COL24A1: variants seen among roughly 807,000 people sequenced by gnomAD.
The protein encoded by COL24A1 is collagen alpha-1(XXIV) chain.
In COL24A1, 224 loss-of-function variants were observed where a neutral mutation model predicts 253.9. The ratio of observed to expected loss-of-function variants is 0.88; its 90% CI spans 0.79 to 0.99. The LOEUF is 0.99. Among genes scored for constraint, COL24A1 ranks in the 50% least tolerant of loss-of-function variants. The pLI, the probability that COL24A1 is intolerant of heterozygous loss-of-function variation, is 0.00. For missense variants in COL24A1, 2,131 were observed against 2,068.5 expected, an observed-to-expected ratio of 1.03 and a Z score of -0.59; for synonymous variants, 685 against 673.7, an observed-to-expected ratio of 1.02 and a Z score of -0.26.
At chr1:85,805,659 G>A (rs974652451) in intron 47 of COL24A1, among the ~76,000 whole-genome samples, 2 of 152,104 alleles carry the variant, frequency 1.3e-5, no homozygotes, top group South Asian at 2.1e-4. Context: ...ATATAATTAT[G>A]CCTACCTCAT....
intron 43 of COL24A1, among the ~76,000 whole-genome samples, chr1:85,831,922 T>A (rs1221476972): frequency 6.6e-6 from 1 of 152,094 alleles, no homozygotes; most frequent in Non-Finnish European, 1.5e-5. Flanking sequence ...CAGAAGCTCT[T>A]TAGTTTAATT....
chr1:86,137,807 T>C (rs1650474451), intron 2 of COL24A1, among the ~76,000 whole-genome samples: 1 of 152,200 alleles, frequency 6.6e-6, no homozygotes, highest in South Asian at 2.1e-4. Flanking sequence ...TCCACTTCAA[T>C]GTATTTTCCC....
At chr1:85,869,477 C>A (rs1307190682) in intron 35 of COL24A1, among the ~76,000 whole-genome samples, 2 of 152,126 alleles carry the variant, frequency 1.3e-5, no homozygotes, top group Admixed American at 1.3e-4. Flanking sequence ...AAGGAAAGCC[C>A]ATCAGACTAA....
intron 2 of COL24A1, among the ~76,000 whole-genome samples, chr1:86,142,995 G>T (rs1252080195): frequency 6.6e-6 from 1 of 152,008 alleles, no homozygotes; most frequent in African/African-American, 2.4e-5. Flanking sequence ...ATAAAAAAAG[G>T]CAAAAGATGA....
In COL24A1 at chr1:85,936,405, C is replaced by G. The variant is rs181672801; in HGVS notation, c.2562+24844G>C. 2.0e-5 allele frequency among the ~76,000 whole-genome samples: 3 copies of G among 147,398 alleles called. 1 individual carries two copies. Among genetic ancestry groups the G allele is most frequent in the South Asian group, 4.9e-4 (2 of 4,098 alleles). ...TAGGGTTAAATCACAGCATAACTTG[C>G]TGCACCTGATATAGGCAGAAGGGAC... On this transcript the variant is annotated intron_variant, in intron 24 of 59. Transcript: ENST00000370571.
intron 31 of COL24A1, among the ~76,000 whole-genome samples, chr1:85,894,930 G>A (rs538736348): frequency 3.3e-5 from 5 of 152,126 alleles, no homozygotes; most frequent in East Asian, 3.9e-4. Context: ...ATACTGTAGC[G>A]GCTAAAACAT....
chr1:86,034,587 T>TA (rs1316312886), intron 12 of COL24A1, among the ~76,000 whole-genome samples: 3 of 152,088 alleles, frequency 2.0e-5, no homozygotes, highest in Admixed American at 2.0e-4. Context: ...TTCCAAGACA[T>TA]ACATGTAAAA....
chr1:86,091,200 T>C (rs1703467255), intron 6 of COL24A1, among the ~76,000 whole-genome samples: 1 of 152,024 alleles, frequency 6.6e-6, no homozygotes, highest in South Asian at 2.1e-4. Flanking sequence ...ACCACAATAA[T>C]AAAATTACTA....
intron 47 of COL24A1, among the ~76,000 whole-genome samples, chr1:85,804,437 A>G (rs1425060798): frequency 6.6e-6 from 1 of 152,042 alleles, no homozygotes; most frequent in Non-Finnish European, 1.5e-5. Context: ...GGAGAAATAA[A>G]CCCCAAAAGG....
intron 39 of COL24A1, among the ~76,000 whole-genome samples, chr1:85,847,174 G>A (rs752333129): frequency 6.6e-6 from 1 of 152,134 alleles, no homozygotes; most frequent in Non-Finnish European, 1.5e-5. Context: ...ATCATGCAAA[G>A]TTCCTGAGAA....
At chr1:85,858,632 C>CTTCT (rs1553201528) in intron 37 of COL24A1, among the ~76,000 whole-genome samples, 8 of 131,494 alleles carry the variant, frequency 6.1e-5, no homozygotes, top group South Asian at 2.4e-4. Context: ...TCCTTCCTTC[C>CTTCT]TTCCTTCCTT....
At chr1:86,058,066 C>G in intron 9 of COL24A1, 91 bp from the exon 10 acceptor site, 4 of 987,790 alleles carry the variant, frequency 4.0e-6, no homozygotes, top group Non-Finnish European at 6.0e-6. Context: ...AAAGAGCTAT[C>G]ATTTTCAAAA....
rs189272025 is a variant in COL24A1, at chr1:85,746,983, T to C, written c.4438-1477A>G. 3.9e-3 allele frequency among the ~76,000 whole-genome samples: 600 copies of C among 152,230 alleles called. 1 individual carries two copies. Among genetic ancestry groups the C allele is most frequent in the Non-Finnish European group, 6.3e-3 (426 of 68,006 alleles). ...CCTGCTGGTGATTATGGGTTTTAAT[T>C]AGAAAACCTAGCATAGTGGTTCTCA... On this transcript the variant is annotated intron_variant, in intron 55 of 59. Transcript: ENST00000370571.
chr1:85,859,588 ATGT>A lies in COL24A1; in HGVS notation c.3300+8928_3300+8930del, dbSNP rs148887002. On this transcript the variant is annotated intron_variant, in intron 37 of 59. Transcript: ENST00000370571. ...GTTCAGTATTTTTCTCTTCAAGGATATGTTGTTGTTATATTTTTTTTAGGAGGA... is the reference window on the plus strand; with the variant it reads ...GTTCAGTATTTTTCTCTTCAAGGATATGTTGTTATATTTTTTTTAGGAGGA... 5.9e-3 allele frequency among the ~76,000 whole-genome samples: 902 copies of A among 152,214 alleles called. 8 individuals carry two copies. The highest frequency in any genetic ancestry group is 0.021 in the African/African-American group (862 of 41,516).
chr1:86,066,647 T>C (rs1335273076), intron 7 of COL24A1, among the ~76,000 whole-genome samples: 2 of 152,200 alleles, frequency 1.3e-5, no homozygotes, highest in African/African-American at 4.8e-5. Context: ...CAAGCCATCT[T>C]GATCTGTTCT....
intron 35 of COL24A1, among the ~76,000 whole-genome samples, chr1:85,872,495 T>G (rs567577619): frequency 4.8e-4 from 73 of 151,860 alleles, no homozygotes; most frequent in African/African-American, 1.7e-3. Context: ...CAGAGATATA[T>G]ACCAATGGAA....
At chr1:85,879,494 C>T (rs935653799) in intron 32 of COL24A1, among the ~76,000 whole-genome samples, 6 of 152,018 alleles carry the variant, frequency 3.9e-5, no homozygotes, top group African/African-American at 1.5e-4. Context: ...GATCTACAGT[C>T]GACACTTAAA....
At chr1:85,938,942 T>C (rs1688481607) in intron 24 of COL24A1, among the ~76,000 whole-genome samples, 1 of 152,176 alleles carries the variant, frequency 6.6e-6, no homozygotes, top group South Asian at 2.1e-4. Context: ...GATTGACTTC[T>C]TCCTCTACCC....
intron 31 of COL24A1, among the ~76,000 whole-genome samples, chr1:85,892,010 T>G (rs1175180821): frequency 1.3e-5 from 2 of 152,212 alleles, no homozygotes; most frequent in Non-Finnish European, 2.9e-5. Context: ...CTATTTTGGT[T>G]GTTATTTATT....
Sources: gnomAD v4.1 joint callset for allele counts (sites outside exome capture counted in the v4.1 genomes callset) on GRCh38, gnomAD v4.1.1 for gene constraint, MANE v1.5 for transcripts, NCBI Gene and HGNC (gene_info 2026-07-23, HGNC 2026-07-21) for gene names.